Variants in RSAD2 observed in about 807,000 individuals in gnomAD.
RSAD2 encodes S-adenosylmethionine-dependent nucleotide dehydratase RSAD2.
A neutral mutation model predicts 37.7 loss-of-function variants in RSAD2; 38 were observed. The ratio of observed to expected loss-of-function variants is 1.01; its 90% confidence interval spans 0.78 to 1.32. The LOEUF is 1.32. Ranked by LOEUF, RSAD2 falls within the 40% of genes most tolerant of loss-of-function variation. RSAD2 has a pLI of 0.00. For synonymous variants in RSAD2, 163 were observed against 157.4 expected (o/e 1.04, Z -0.27); for missense variants, 428 against 437.5 (o/e 0.98, Z 0.19).
At position 6,896,547 on chromosome 2, in the gene RSAD2, C is replaced by CTTTTTTTTT. The variant is rs1558340059; in HGVS notation, c.*608_*609insTTTTTTTTT. 1 of 149,184 alleles carries CTTTTTTTTT rather than the reference C, an allele frequency of 6.7e-6. No homozygotes were observed. 9.2% of individuals were successfully genotyped at this position (149,184 alleles called of 1,614,324 possible). Reference sequence around the variant, plus strand: ...GGTTATAATGCTTTTTTTTTTTTGCCTTTATGCCATTGCAGTCTTGTACTT... The same window carrying CTTTTTTTTT: ...GGTTATAATGCTTTTTTTTTTTTGCCTTTTTTTTTTTTATGCCATTGCAGTCTTGTACTT... On this transcript the variant is annotated 3_prime_UTR_variant, in exon 6 of 6. Coordinates refer to ENST00000382040, the MANE Select transcript of RSAD2 (RefSeq NM_080657.5).
At position 6,895,982 on chromosome 2, in the gene RSAD2, A is replaced by G; in HGVS notation, c.*40A>G. On this transcript the variant is annotated 3_prime_UTR_variant, in exon 6 of 6. Transcript: ENST00000382040. The stretch of plus-strand genomic sequence containing the variant: ...CGAGACTTCAACACACCAGTGGGAA[A>G]ACTCCTAGAGTAACTGCCATTGTCT... The G allele has an allele frequency of 6.3e-7, 1 of 1,594,656 alleles. No individual in the cohort carries two copies.
chr2:6,887,254 A>C (rs1301045344), intron 3 of RSAD2, 90 bp downstream of exon 3: 4 of 978,522 alleles, frequency 4.1e-6, no homozygotes, highest in Non-Finnish European at 6.2e-6. Flanking sequence ...ATACTGATAC[A>C]AGAGAACTCT....
In RSAD2 at chr2:6,883,427, T is replaced by C. The variant is rs772375256; in HGVS notation, c.403T>C (p.Tyr135His). 4.3e-6 allele frequency: 7 copies of C among 1,614,044 alleles called. No individual in the cohort carries two copies. The highest frequency in any genetic ancestry group is 5.9e-6 in the Non-Finnish European group (7 of 1,180,044). The change falls in exon 2 of 6, where the codon TAC (tyrosine) becomes CAC (histidine). Residue 135 changes from tyrosine to histidine, a missense_variant. Tyr to His is a moderately conservative substitution (Grantham distance 83). Coordinates refer to ENST00000382040, the MANE Select transcript of RSAD2 (RefSeq NM_080657.5). ...GCCATTTCTTCAAGACCGGGGAGAATACCTGGGCAAGTTGGTGAGGTTCTG... is the reference window on the plus strand; with the variant it reads ...GCCATTTCTTCAAGACCGGGGAGAACACCTGGGCAAGTTGGTGAGGTTCTG... ...GEPFLQDRGEYLGKLVRFCKV... is the reference protein window; with the variant it reads ...GEPFLQDRGEHLGKLVRFCKV...
At chr2:6,891,143 A>G (rs1663622028) in intron 4 of RSAD2, among the ~76,000 whole-genome samples, 1 of 152,150 alleles carries the variant, frequency 6.6e-6, no homozygotes, top group African/African-American at 2.4e-5. Flanking sequence ...ATAAGAATCT[A>G]TGAACACCAA....
In RSAD2 at chr2:6,877,841, T is replaced by A; in HGVS notation, c.41T>A (p.Leu14Ter). The A allele has an allele frequency of 6.2e-7, 1 of 1,614,074 alleles. No individual in the cohort carries two copies. Among genetic ancestry groups the A allele is most frequent in the Non-Finnish European group, 8.5e-7 (1 of 1,180,006 alleles). ...LTPAAFAGKL[L>*]SVFRQPLSSL... ...CCTGCTGCTTTTGCTGGGAAGCTCTTGAGTGTGTTCAGGCAACCTCTGAGC... is the reference window on the plus strand; with the variant it reads ...CCTGCTGCTTTTGCTGGGAAGCTCTAGAGTGTGTTCAGGCAACCTCTGAGC... The change falls in exon 1 of 6, where the codon TTG becomes TAG. Residue 14 changes from leucine (L) to a stop codon, truncating the protein, a stop_gained. Coordinates refer to ENST00000382040, the MANE Select transcript of RSAD2 (RefSeq NM_080657.5). LOFTEE classifies it high-confidence loss of function.
chr2:6,887,648 A>G (rs1229353443), intron 3 of RSAD2, among the ~76,000 whole-genome samples: 1 of 152,244 alleles, frequency 6.6e-6, no homozygotes, highest in Non-Finnish European at 1.5e-5. Flanking sequence ...GGCTGGCCCC[A>G]CTACCAGCTA....
rs778798572 is a variant in RSAD2 at position 6,878,079 on chromosome 2, A to T, written c.279A>T (p.Thr93=). 2.5e-6 allele frequency: 4 copies of T among 1,614,124 alleles called. No homozygotes were observed. The highest frequency in any genetic ancestry group is 3.4e-6 in the Non-Finnish European group (4 of 1,179,966). Reference sequence around the variant, plus strand: ...ACAAATGCGGCTTCTGTTTCCACACAGCCAAAACATCCTTTGTGCTGCCCC... The same window carrying T: ...ACAAATGCGGCTTCTGTTTCCACACTGCCAAAACATCCTTTGTGCTGCCCC... ...CNYKCGFCFH[T]AKTSFVLPLE... Residue 93 remains threonine, a synonymous_variant, in exon 1 of 6, where the codon ACA becomes ACT. Coordinates refer to ENST00000382040, the MANE Select transcript of RSAD2 (RefSeq NM_080657.5).
chr2:6,874,091 G>A (rs781560525), upstream of RSAD2, among the ~76,000 whole-genome samples: 7 of 152,152 alleles, frequency 4.6e-5, no homozygotes, highest in Non-Finnish European at 8.8e-5. Flanking sequence ...GTGAGTTCTT[G>A]TGAGATCTGA....
At chr2:6,870,617 TC>T (rs1663185705) in intron 1 of RSAD2, among the ~76,000 whole-genome samples, 1 of 152,038 alleles carries the variant, frequency 6.6e-6, no homozygotes, top group South Asian at 2.1e-4. Context: ...TCTCAGCCAG[TC>T]CCCCCATCTA....
At chr2:6,891,571 T>C (rs1399512282) in intron 4 of RSAD2, among the ~76,000 whole-genome samples, 3 of 152,076 alleles carry the variant, frequency 2.0e-5, no homozygotes, top group Non-Finnish European at 2.9e-5. Context: ...ATCGAGACCA[T>C]CCTGGCTAAC....
intron 1 of RSAD2, among the ~76,000 whole-genome samples, chr2:6,880,657 T>C (rs1663380301): frequency 6.6e-6 from 1 of 152,136 alleles, no homozygotes; most frequent in Non-Finnish European, 1.5e-5. Flanking sequence ...GTCTGCTCTT[T>C]CTGGCTGCTT....
chr2:6,893,609 A>G, intron 4 of RSAD2, 62 bp from the exon 5 acceptor site: 2 of 1,302,210 alleles, frequency 1.5e-6, no homozygotes, highest in South Asian at 1.2e-5. Flanking sequence ...CAGGTGGACA[A>G]TTGAGCTCAC....
At chr2:6,876,814 T>C (rs764746254), upstream of RSAD2, 9 of 152,208 alleles carry the variant, frequency 5.9e-5, no homozygotes, top group Non-Finnish European at 7.3e-5. Flanking sequence ...GCAGTTTTAC[T>C]CTGCACAAAA....
intron 4 of RSAD2, 139 bp from the exon 5 acceptor site, chr2:6,893,532 G>A (rs972581477): frequency 1.0e-5 from 7 of 702,098 alleles, no homozygotes; most frequent in Non-Finnish European, 1.8e-5. Flanking sequence ...TCTTGTGAGG[G>A]CCATGCCAAA....
chr2:6,889,024 A>C (rs1663576823), intron 3 of RSAD2, among the ~76,000 whole-genome samples: 1 of 152,156 alleles, frequency 6.6e-6, no homozygotes, highest in African/African-American at 2.4e-5. Flanking sequence ...CCCATGCCCA[A>C]TCCCACACCC....
At chr2:6,876,413 T>C (rs1663282042), upstream of RSAD2, among the ~76,000 whole-genome samples, 1 of 152,204 alleles carries the variant, frequency 6.6e-6, no homozygotes, top group African/African-American at 2.4e-5. Flanking sequence ...CAAAGGTTGC[T>C]CCAGCCAGAA....
At chr2:6,881,839 A>T (rs1346310428) in intron 1 of RSAD2, among the ~76,000 whole-genome samples, 5 of 152,096 alleles carry the variant, frequency 3.3e-5, no homozygotes, top group Non-Finnish European at 7.4e-5. Context: ...TCCTCCTAGA[A>T]CGCAGGCAGG....
chr2:6,874,691 T>TA (rs5829084), upstream of RSAD2, among the ~76,000 whole-genome samples: 151,931 of 152,338 alleles, frequency 1, 75,766 homozygotes, highest in Middle Eastern at 1. Flanking sequence ...TACACTTAAA[T>TA]TTTTTTTCAG....
intron 2 of RSAD2, chr2:6,883,937 C>T (rs1387318030): frequency 6.0e-6 from 1 of 166,740 alleles, no homozygotes; most frequent in East Asian, 1.7e-4. Flanking sequence ...GTGGATTAGC[C>T]AAGGTGGAGG....
Sources: allele counts gnomAD v4.1 joint callset (sites outside exome capture counted in the v4.1 genomes callset), GRCh38; gene constraint gnomAD v4.1.1; transcripts MANE v1.5; gene names NCBI Gene and HGNC (gene_info 2026-07-23, HGNC 2026-07-21).